PCCA: variants seen among roughly 807,000 people sequenced by gnomAD.
PCCA encodes propionyl-CoA carboxylase subunit alpha.
A neutral mutation model predicts 101.3 loss-of-function variants in PCCA; 74 were observed. That is an observed-to-expected ratio of 0.73 (90% CI 0.61 to 0.89). The LOEUF (loss-of-function observed/expected upper bound fraction) is 0.89. Among genes scored for constraint, PCCA ranks in the 40% least tolerant of loss-of-function variants. The pLI is 0.00. For missense variants in PCCA, 891 were observed against 907.0 expected (o/e 0.98, Z 0.23); for synonymous variants, 294 against 313.6 (o/e 0.94, Z 0.66).
At chr13:100,362,203 G>A (rs529985179) in intron 18 of PCCA, among the ~76,000 whole-genome samples, 3 of 152,210 alleles carry the variant, frequency 2.0e-5, no homozygotes, top group Admixed American at 2.0e-4. Context: ...TTGACTGTTA[G>A]TGGCAGGCAG....
At position 100,217,662 on chromosome 13, in the gene PCCA, G is replaced by GGCCAACAT. The variant is rs1244496874; in HGVS notation, c.600+8201_600+8208dup. ...GAGGTCAGGAGTTCAAGACCAGCCTGGCCAACATGGTGAAACCCTGTCTCT... is the reference window on the plus strand; with the variant it reads ...GAGGTCAGGAGTTCAAGACCAGCCTGGCCAACATGCCAACATGGTGAAACCCTGTCTCT... On this transcript the variant is annotated intron_variant, in intron 7 of 23. Coordinates refer to ENST00000376285, the MANE Select transcript of PCCA (RefSeq NM_000282.4). Among the ~76,000 whole-genome samples, 31 of 151,518 alleles carry GGCCAACAT rather than the reference G, an allele frequency of 2.0e-4. 1 individual carries two copies. Among genetic ancestry groups the GGCCAACAT allele is most frequent in the Admixed American group, 1.9e-3 (29 of 15,200 alleles).
At chr13:100,346,718 G>T (rs973349671) in intron 18 of PCCA, among the ~76,000 whole-genome samples, 1 of 152,066 alleles carries the variant, frequency 6.6e-6, no homozygotes, top group African/African-American at 2.4e-5. Flanking sequence ...AGAATCAATT[G>T]GTTTAGCAAA....
chr13:100,105,576 C>T (rs572493971), intron 2 of PCCA, among the ~76,000 whole-genome samples: 1 of 151,088 alleles, frequency 6.6e-6, no homozygotes, highest in Non-Finnish European at 1.5e-5. Context: ...CGCCTGTAAT[C>T]CCAGCACTTT....
intron 21 of PCCA, among the ~76,000 whole-genome samples, chr13:100,496,077 G>A (rs1460504432): frequency 6.6e-6 from 1 of 151,978 alleles, no homozygotes; most frequent in Non-Finnish European, 1.5e-5. Flanking sequence ...GTATTTCATC[G>A]ACACAGGACA....
chr13:100,099,725 C>T (rs2047106213), intron 1 of PCCA, among the ~76,000 whole-genome samples: 1 of 152,056 alleles, frequency 6.6e-6, no homozygotes, highest in Non-Finnish European at 1.5e-5. Context: ...TAAAAGCCTA[C>T]CATTTCCCCC....
chr13:100,092,364 C>T (rs1195390538), intron 1 of PCCA, among the ~76,000 whole-genome samples: 2 of 151,266 alleles, frequency 1.3e-5, no homozygotes, highest in Non-Finnish European at 2.9e-5. Context: ...TAATATGATT[C>T]TGAAGGCTTT....
chr13:100,154,166 A>G (rs2152381383), intron 4 of PCCA, among the ~76,000 whole-genome samples: 1 of 152,320 alleles, frequency 6.6e-6, no homozygotes, highest in East Asian at 1.9e-4. Context: ...GCCATTAGGA[A>G]ATTAGGAAAA....
At chr13:100,199,338 C>T (rs1004403485) in intron 6 of PCCA, among the ~76,000 whole-genome samples, 1 of 152,140 alleles carries the variant, frequency 6.6e-6, no homozygotes, top group Non-Finnish European at 1.5e-5. Flanking sequence ...CCACCTTGGA[C>T]ACAATATTTA....
At chr13:100,355,644 T>C (rs2073884897) in intron 18 of PCCA, among the ~76,000 whole-genome samples, 1 of 152,112 alleles carries the variant, frequency 6.6e-6, no homozygotes, top group Non-Finnish European at 1.5e-5. Context: ...CTATAAAATG[T>C]TGTTGAAATA....
chr13:100,377,928 T>C (rs886851069), intron 19 of PCCA, among the ~76,000 whole-genome samples: 1 of 152,214 alleles, frequency 6.6e-6, no homozygotes, highest in Non-Finnish European at 1.5e-5. Context: ...CTTCCTATTT[T>C]ATATTGTTTA....
chr13:100,160,032 A>G (rs1209382485), intron 6 of PCCA, among the ~76,000 whole-genome samples: 1 of 152,164 alleles, frequency 6.6e-6, no homozygotes, highest in Non-Finnish European at 1.5e-5. Context: ...CCAGGACTAA[A>G]ATGATTTTTT....
chr13:100,115,548 ACCT>A (rs1240964113), intron 4 of PCCA, among the ~76,000 whole-genome samples: 1 of 151,958 alleles, frequency 6.6e-6, no homozygotes, highest in Non-Finnish European at 1.5e-5. Context: ...AAACATATAC[ACCT>A]CCTGTATACC....
intron 4 of PCCA, among the ~76,000 whole-genome samples, chr13:100,128,026 A>T (rs1390916434): frequency 6.6e-6 from 1 of 152,054 alleles, no homozygotes; most frequent in Non-Finnish European, 1.5e-5. Context: ...AAAGGACATG[A>T]TTATTCCAAA....
At chr13:100,320,983 C>G (rs2067969732) in intron 16 of PCCA, among the ~76,000 whole-genome samples, 1 of 152,144 alleles carries the variant, frequency 6.6e-6, no homozygotes, top group Non-Finnish European at 1.5e-5. Context: ...TGGCCTCAAG[C>G]AGTCCTCCTC....
intron 6 of PCCA, among the ~76,000 whole-genome samples, chr13:100,191,585 T>C (rs1168750605): frequency 6.6e-6 from 1 of 152,244 alleles, no homozygotes; most frequent in Non-Finnish European, 1.5e-5. Flanking sequence ...CCACAGTCCC[T>C]GTTCTTAACC....
intron 6 of PCCA, among the ~76,000 whole-genome samples, chr13:100,167,078 G>A (rs776459247): frequency 6.6e-6 from 1 of 151,970 alleles, no homozygotes; most frequent in Non-Finnish European, 1.5e-5. Context: ...GACATATTAG[G>A]GTTCTTTATT....
intron 16 of PCCA, among the ~76,000 whole-genome samples, chr13:100,324,885 A>G (rs2068478235): frequency 6.6e-6 from 1 of 152,200 alleles, no homozygotes; most frequent in Non-Finnish European, 1.5e-5. Context: ...GTTCTGGAAT[A>G]TTTTTCATCA....
chr13:100,093,853 C>T (rs2046500555), intron 1 of PCCA, among the ~76,000 whole-genome samples: 1 of 152,100 alleles, frequency 6.6e-6, no homozygotes, highest in African/African-American at 2.4e-5. Context: ...GAGGGAGGAT[C>T]ACTTGAGCCC....
At chr13:100,327,011 T>C (rs1228219881) in intron 16 of PCCA, among the ~76,000 whole-genome samples, 1 of 152,220 alleles carries the variant, frequency 6.6e-6, no homozygotes, top group African/African-American at 2.4e-5. Flanking sequence ...ATTGTCATTG[T>C]GTACTAGGCT....
Sources: gnomAD v4.1 joint callset for allele counts (sites outside exome capture counted in the v4.1 genomes callset) on GRCh38, gnomAD v4.1.1 for gene constraint, MANE v1.5 for transcripts, NCBI Gene and HGNC (gene_info 2026-07-23, HGNC 2026-07-21) for gene names.